Variants in ZP3 observed in about 807,000 individuals in gnomAD.
The protein encoded by ZP3 is zona pellucida glycoprotein 3.
Under a neutral mutation model 35.6 loss-of-function variants are expected in ZP3, and 21 were observed. The ratio of observed to expected loss-of-function variants is 0.59; its 90% CI spans 0.42 to 0.85. ZP3 has a LOEUF of 0.85. ZP3 is among the 40% of genes least tolerant of loss of function. The probability of loss-of-function intolerance (pLI) is 0.00; values close to 1 mark genes in which losing one functional copy is unlikely to be tolerated. For missense variants in ZP3, 437 were observed against 536.5 expected, an observed-to-expected ratio of 0.81 and a Z score of 1.83; for synonymous variants, 207 against 214.5, an observed-to-expected ratio of 0.96 and a Z score of 0.31.
At chr7:76,425,671 AAAC>A (rs1191208489) in intron 1 of ZP3, among the ~76,000 whole-genome samples, 1 of 152,152 alleles carries the variant, frequency 6.6e-6, no homozygotes, top group Admixed American at 6.5e-5. Flanking sequence ...ATTATCTTAA[AAAC>A]AACAAGTGGG....
chr7:76,423,032 A>AAAGAAAGAAAGAAAGT (rs1408036486), upstream of ZP3, among the ~76,000 whole-genome samples: 17 of 109,568 alleles, frequency 1.6e-4, 1 homozygote, highest in African/African-American at 5.7e-4. Context: ...AGAGAGAAAG[A>AAAGAAAGAAAGAAAGT]AAGAAAGAAA....
chr7:76,422,835 T>G (rs1451436731), upstream of ZP3, among the ~76,000 whole-genome samples: 1 of 150,684 alleles, frequency 6.6e-6, no homozygotes, highest in Non-Finnish European at 1.5e-5. Context: ...CCGTCTTTAC[T>G]AAAAATACAA....
In ZP3 at chr7:76,425,030, C is replaced by T. The variant is rs764793375; in HGVS notation, c.66C>T (p.Pro22=). Residue 22 remains proline, a synonymous_variant, in exon 1 of 8, where the codon CCC becomes CCT. Transcript: ENST00000394857. ...GGGGTAGTACTGAGCTGTGCTACCCCCAACCCCTCTGGCTCTTGCAGGGTG... is the reference window on the plus strand; with the variant it reads ...GGGGTAGTACTGAGCTGTGCTACCCTCAACCCCTCTGGCTCTTGCAGGGTG... ...LLWGSTELCY[P]QPLWLLQGGA... is the part of the protein sequence containing the mutation. 1.9e-6 allele frequency: 3 copies of T among 1,595,640 alleles called. No homozygotes were observed. Among genetic ancestry groups the T allele is most frequent in the East Asian group, 2.3e-5 (1 of 44,136 alleles).
At chr7:76,438,596 C>T (rs1806100929) in intron 5 of ZP3, among the ~76,000 whole-genome samples, 1 of 147,358 alleles carries the variant, frequency 6.8e-6, no homozygotes, top group Non-Finnish European at 1.5e-5. Flanking sequence ...TTGACTATTC[C>T]CTGGGTGGTG....
chr7:76,428,810 T>G (rs975823853), intron 1 of ZP3: 1 of 152,394 alleles, frequency 6.6e-6, no homozygotes, highest in African/African-American at 2.4e-5. Flanking sequence ...GTCTCCCGAG[T>G]AGCTGGGATT....
At chr7:76,424,681 C>G (rs1304848398), upstream of ZP3, among the ~76,000 whole-genome samples, 1 of 152,138 alleles carries the variant, frequency 6.6e-6, no homozygotes, top group African/African-American at 2.4e-5. Context: ...CACAAACACA[C>G]ACACACACAG....
chr7:76,438,683 T>C (rs1422747515), intron 5 of ZP3, among the ~76,000 whole-genome samples: 2 of 146,520 alleles, frequency 1.4e-5, no homozygotes, highest in Admixed American at 1.4e-4. Context: ...TGGGTAAACG[T>C]TTCCCAGAGG....
intron 1 of ZP3, chr7:76,400,489 TC>T (rs1804784493): frequency 6.2e-7 from 1 of 1,604,348 alleles, no homozygotes; most frequent in Non-Finnish European, 8.5e-7. Flanking sequence ...TACGTTGGCG[TC>T]CACCACGTCC....
intron 1 of ZP3, among the ~76,000 whole-genome samples, chr7:76,404,079 C>G (rs1163775434): frequency 6.6e-6 from 1 of 152,112 alleles, no homozygotes; most frequent in Non-Finnish European, 1.5e-5. Flanking sequence ...GCCCAGTGTC[C>G]CCTAACTGCC....
chr7:76,408,866 G>A (rs564653621), intron 1 of ZP3, among the ~76,000 whole-genome samples: 4 of 152,276 alleles, frequency 2.6e-5, no homozygotes, highest in Admixed American at 2.0e-4. Flanking sequence ...ATTTTCTACA[G>A]TACAGCCGGC....
intron 7 of ZP3, 28 bp downstream of exon 7, chr7:76,440,639 T>C (rs1468187877): frequency 1.3e-6 from 2 of 1,591,258 alleles, no homozygotes; most frequent in Admixed American, 3.5e-5. Flanking sequence ...CAAGAGGCTG[T>C]TCATTGTCCC....
intron 3 of ZP3, 94 bp downstream of exon 3, chr7:76,433,124 T>TTGGTTTTGG: frequency 3.0e-6 from 2 of 672,478 alleles, no homozygotes; most frequent in Non-Finnish European, 4.9e-6. Flanking sequence ...TTTGTTTGGT[T>TTGGTTTTGG]TTGGTTTTGG....
At chr7:76,420,242 C>T (rs1805475575), upstream of ZP3, among the ~76,000 whole-genome samples, 1 of 152,082 alleles carries the variant, frequency 6.6e-6, no homozygotes, top group Non-Finnish European at 1.5e-5. Flanking sequence ...TTCCCAAACT[C>T]CTGGCCTCAA....
chr7:76,414,499 A>G lies in ZP3; in HGVS notation c.-66-10553A>G, dbSNP rs1010122662. ...GACTGGAGAGTGGGAAAATCTGCCTATGGTCTGTAAATGGATTCTCTCTGA... is the reference window on the plus strand; with the variant it reads ...GACTGGAGAGTGGGAAAATCTGCCTGTGGTCTGTAAATGGATTCTCTCTGA... On this transcript the variant is annotated intron_variant, in intron 1 of 8. Transcript: ENST00000336517. Among the ~76,000 whole-genome samples, 6 of 151,948 alleles carry G rather than the reference A, an allele frequency of 3.9e-5. No individual in the cohort carries two copies. The East Asian group carries it at 7.8e-4, about 20-fold the overall frequency.
At chr7:76,400,304 C>T (rs1390075308) in intron 1 of ZP3, 1 of 1,497,290 alleles carries the variant, frequency 6.7e-7, no homozygotes, top group East Asian at 2.4e-5. Flanking sequence ...AGGACAGCCA[C>T]ATCCTCGTAG....
chr7:76,404,386 C>A (rs531388022), intron 1 of ZP3: 1 of 1,613,976 alleles, frequency 6.2e-7, no homozygotes, highest in Non-Finnish European at 8.5e-7. Flanking sequence ...ACCTCCACCC[C>A]CAGCGCTTCT....
chr7:76,406,794 A>T (rs1295760630), intron 1 of ZP3, among the ~76,000 whole-genome samples: 1 of 151,790 alleles, frequency 6.6e-6, no homozygotes, highest in Non-Finnish European at 1.5e-5. Flanking sequence ...GAAAAAAAAA[A>T]AAATCTTCAA....
At chr7:76,423,996 G>T (rs889908658), upstream of ZP3, among the ~76,000 whole-genome samples, 6 of 152,052 alleles carry the variant, frequency 3.9e-5, no homozygotes, top group African/African-American at 1.2e-4. Flanking sequence ...TCACACAGCT[G>T]CCTCTGCCTG....
chr7:76,401,411 TTTTTC>T (rs146640201), intron 1 of ZP3, among the ~76,000 whole-genome samples: 27,562 of 151,836 alleles, frequency 0.18, 2,712 homozygotes, highest in South Asian at 0.25. Context: ...AGCCTCGCCT[TTTTTC>T]TTTTCTTTTC....
Sources: gnomAD v4.1 joint callset for allele counts (sites outside exome capture counted in the v4.1 genomes callset) on GRCh38, gnomAD v4.1.1 for gene constraint, MANE v1.5 for transcripts, NCBI Gene and HGNC (gene_info 2026-07-23, HGNC 2026-07-21) for gene names.